Variants in CCL28 observed in about 807,000 individuals in gnomAD.
CCL28 encodes C-C motif chemokine 28.
Under a neutral mutation model 7.1 loss-of-function variants are expected in CCL28, and 4 were observed. The observed-to-expected ratio is 0.56, with a 90% confidence interval of 0.28 to 1.29. The LOEUF is 1.29. CCL28 is among the 50% of genes most tolerant of loss of function. The probability of loss-of-function intolerance (pLI) is 0.11; values close to 1 mark genes in which losing one functional copy is unlikely to be tolerated. For synonymous variants in CCL28, 55 were observed against 57.8 expected (o/e 0.95, Z 0.22); for missense variants, 151 against 163.4 (o/e 0.92, Z 0.41).
At chr5:43,405,929 C>T (rs1157055542) in intron 1 of CCL28, among the ~76,000 whole-genome samples, 9 of 152,196 alleles carry the variant, frequency 5.9e-5, no homozygotes, top group Admixed American at 5.2e-4. Flanking sequence ...CACATACACC[C>T]TCCCAAGACT....
At chr5:43,367,858 T>C in the CCL28 span, among the ~76,000 whole-genome samples, 3 of 152,250 alleles carry the variant, frequency 2.0e-5, no homozygotes, top group African/African-American at 4.8e-5. Context: ...ATAGGAATTC[T>C]GATTGTCTCT....
downstream of CCL28, among the ~76,000 whole-genome samples, chr5:43,377,717 CTTTT>C (rs767834184): frequency 1.1e-3 from 48 of 42,698 alleles, no homozygotes; most frequent in African/African-American, 4.6e-3. Flanking sequence ...AGAACTTAAA[CTTTT>C]TTTTTTTTTT....
At chr5:43,405,859 C>G (rs1324810394) in intron 1 of CCL28, among the ~76,000 whole-genome samples, 2 of 152,162 alleles carry the variant, frequency 1.3e-5, no homozygotes, top group African/African-American at 4.8e-5. Context: ...TCAGAGAATA[C>G]TATAAACACC....
chr5:43,358,957 G>C, the CCL28 span, among the ~76,000 whole-genome samples: 1 of 152,130 alleles, frequency 6.6e-6, no homozygotes, highest in African/African-American at 2.4e-5. Flanking sequence ...ACTATGAGAG[G>C]AATTTAGTTT....
intron 1 of CCL28, among the ~76,000 whole-genome samples, chr5:43,404,111 C>T (rs1324840734): frequency 6.6e-6 from 1 of 152,144 alleles, no homozygotes; most frequent in African/African-American, 2.4e-5. Context: ...GAGAACTTCC[C>T]CAACCTAGCA....
the CCL28 span, among the ~76,000 whole-genome samples, chr5:43,363,316 A>G: frequency 6.6e-6 from 1 of 152,194 alleles, no homozygotes; most frequent in Non-Finnish European, 1.5e-5. Context: ...ATAGTGGGCT[A>G]GGCACCAGGA....
In CCL28 at chr5:43,380,650, A is replaced by C. The variant is rs185740968; in HGVS notation, c.*1210T>G. ...ACCCTGTCTCTACAAAAAATAAACA[A>C]AATTAGCCAGGTGTGGTGGGTATGC... On this transcript the variant is annotated 3_prime_UTR_variant, in exon 3 of 3. Transcript: ENST00000361115. The C allele has an allele frequency of 6.6e-6, 1 of 152,146 alleles. No homozygotes were observed. Among genetic ancestry groups the C allele is most frequent in the Non-Finnish European group, 1.5e-5 (1 of 68,042 alleles). 9.4% of individuals were successfully genotyped at this position (152,146 alleles called of 1,614,324 possible). A position where few individuals can be genotyped will look rare whatever the true frequency, so the allele number is the denominator to read the frequency against.
Position 43,412,324 on chromosome 5 carries a change from T to C in CCL28, c.-8A>G. The C allele has an allele frequency of 6.2e-7, 1 of 1,611,284 alleles. No homozygotes were observed. On this transcript the variant is annotated 5_prime_UTR_variant, in exon 1 of 3. Transcript: ENST00000361115. The stretch of plus-strand genomic sequence containing the variant: ...GAGTCCTCTCTGCTGCATTCCTGCC[T>C]GCCCTACTGGCACTGACAGCAACAC...
At chr5:43,409,061 T>TGAGGCCAGGAGTTC (rs1741425988) in intron 1 of CCL28, among the ~76,000 whole-genome samples, 1 of 152,070 alleles carries the variant, frequency 6.6e-6, no homozygotes, top group Admixed American at 6.6e-5. Flanking sequence ...GAGACTTGCT[T>TGAGGCCAGGAGTTC]GAGGCCAGGA....
chr5:43,410,509 G>A (rs1233780293), intron 1 of CCL28, among the ~76,000 whole-genome samples: 6 of 152,148 alleles, frequency 3.9e-5, no homozygotes, highest in Non-Finnish European at 7.3e-5. Context: ...ATTATCACCA[G>A]CAGCCGTACC....
chr5:43,363,805 T>G, the CCL28 span, among the ~76,000 whole-genome samples: 23 of 152,288 alleles, frequency 1.5e-4, no homozygotes, highest in Non-Finnish European at 2.6e-4. Context: ...TTCCAGAATT[T>G]TCATAGATTA....
chr5:43,375,225 G>C (rs139960116), downstream of CCL28, among the ~76,000 whole-genome samples: 2 of 151,458 alleles, frequency 1.3e-5, no homozygotes, highest in Non-Finnish European at 2.9e-5. Flanking sequence ...TCCTGACCTC[G>C]TGATCCACCC....
chr5:43,385,288 C>T (rs181174787), intron 2 of CCL28, among the ~76,000 whole-genome samples: 1 of 152,178 alleles, frequency 6.6e-6, no homozygotes, highest in South Asian at 2.1e-4. Flanking sequence ...AAGAAAACTG[C>T]TGTCTCAGGC....
chr5:43,403,290 C>T (rs905004477), intron 1 of CCL28, among the ~76,000 whole-genome samples: 12 of 152,130 alleles, frequency 7.9e-5, no homozygotes, highest in Admixed American at 5.2e-4. Context: ...CTCATACAGC[C>T]GGGTGACCCT....
intron 1 of CCL28, among the ~76,000 whole-genome samples, chr5:43,389,943 C>T (rs930671110): frequency 6.6e-6 from 1 of 152,200 alleles, no homozygotes; most frequent in Non-Finnish European, 1.5e-5. Flanking sequence ...TGTTAGATAA[C>T]ATCGCCCCCT....
intron 1 of CCL28, among the ~76,000 whole-genome samples, chr5:43,393,115 A>C (rs986189827): frequency 6.6e-6 from 1 of 152,182 alleles, no homozygotes; most frequent in Non-Finnish European, 1.5e-5. Context: ...ATAGTGGTAA[A>C]TGAAATTTTT....
the CCL28 span, among the ~76,000 whole-genome samples, chr5:43,361,274 A>G: frequency 6.6e-6 from 1 of 152,212 alleles, no homozygotes; most frequent in Non-Finnish European, 1.5e-5. Context: ...CAGGGCTACA[A>G]TGAACATGCA....
chr5:43,406,111 A>C (rs941694494), intron 1 of CCL28, among the ~76,000 whole-genome samples: 1 of 152,114 alleles, frequency 6.6e-6, no homozygotes, highest in Non-Finnish European at 1.5e-5. Flanking sequence ...TATTCCAATC[A>C]ATAGAAAAAG....
chr5:43,393,694 T>C (rs1027498281), intron 1 of CCL28, among the ~76,000 whole-genome samples: 2 of 152,216 alleles, frequency 1.3e-5, no homozygotes, highest in Non-Finnish European at 2.9e-5. Context: ...TTTAAAGACA[T>C]AGTGTATCTT....
Sources: allele counts gnomAD v4.1 joint callset (sites outside exome capture counted in the v4.1 genomes callset), GRCh38; gene constraint gnomAD v4.1.1; transcripts MANE v1.5; gene names NCBI Gene and HGNC (gene_info 2026-07-23, HGNC 2026-07-21).